Variants in SCN2A observed in about 807,000 individuals in gnomAD.
SCN2A encodes the protein sodium voltage-gated channel alpha subunit 2, also known as sodium channel protein type 2 subunit alpha.
SCN2A carries 20 observed loss-of-function variants against 188.7 expected under a neutral mutation model. The observed-to-expected ratio is 0.11, with a 90% confidence interval of 0.07 to 0.15. SCN2A has a LOEUF of 0.15. Ranked by LOEUF, SCN2A falls within the 10% of genes least tolerant of loss-of-function variation. The pLI, the probability that SCN2A is intolerant of heterozygous loss-of-function variation, is 1.00. For synonymous variants in SCN2A, 804 were observed against 833.1 expected (o/e 0.97, Z 0.60); for missense variants, 1,278 against 2,445.0 (o/e 0.52, Z 10.07).
chr2:165,302,510 C>A (rs1696872105), intron 3 of SCN2A, among the ~76,000 whole-genome samples: 1 of 152,164 alleles, frequency 6.6e-6, no homozygotes, highest in African/African-American at 2.4e-5. Flanking sequence ...AGCATAATGT[C>A]TTTTCCTTCC....
At position 165,389,991 on chromosome 2, in the gene SCN2A, A is replaced by C. The variant is rs1702066754; in HGVS notation, c.*167A>C. 4.5e-6 allele frequency: 5 copies of C among 1,114,334 alleles called. No individual in the cohort carries two copies. The South Asian group carries it at 8.3e-5, about 18-fold the overall frequency. The allele number at this position is 1,114,334 out of a possible 1,614,324, so 69.0% of individuals were successfully genotyped here. A position where few individuals can be genotyped will look rare whatever the true frequency, so the allele number is the denominator to read the frequency against. On this transcript the variant is annotated 3_prime_UTR_variant, in exon 27 of 27. Coordinates refer to ENST00000375437, the MANE Select transcript of SCN2A (RefSeq NM_001040142.2). This position sits in a 1 kb window ranked among gnomAD's most constrained non-coding sequence, Gnocchi z 4.2. ...ACAAGACAGAGACCTCTGGTCAGCA[A>C]ACTGGAACTCAGTAAACTGGAGAAA...
chr2:165,255,916 C>T (rs1694296238), intron 1 of SCN2A, among the ~76,000 whole-genome samples: 1 of 151,246 alleles, frequency 6.6e-6, no homozygotes, highest in Non-Finnish European at 1.5e-5. Flanking sequence ...ACCATTTTCC[C>T]CTACCAGAAA....
In SCN2A at chr2:165,392,242, G is replaced by A. The variant is rs1702145992; in HGVS notation, c.*2418G>A. The A allele has an allele frequency of 6.6e-6, 1 of 152,422 alleles. No homozygotes were observed. Among genetic ancestry groups the A allele is most frequent in the Non-Finnish European group, 1.5e-5 (1 of 67,968 alleles). The allele number at this position is 152,422 out of a possible 1,614,324, so 9.4% of individuals were successfully genotyped here. A position where few individuals can be genotyped will look rare whatever the true frequency, so the allele number is the denominator to read the frequency against. On this transcript the variant is annotated 3_prime_UTR_variant, in exon 27 of 27. Transcript: ENST00000375437. ...TAACTACTTTAATATTGGCCAAAAA[G>A]CTAGATATGGCATCAGGTAGACTAG...
intron 1 of SCN2A, 65 bp from the exon 2 acceptor site, chr2:165,295,708 T>C (rs2106148738): frequency 6.9e-7 from 1 of 1,452,554 alleles, no homozygotes; most frequent in East Asian, 2.3e-5. Context: ...CTCAGTGTCA[T>C]GTAACTGACA....
chr2:165,345,038 C>A, intron 16 of SCN2A, 127 bp downstream of exon 16: 1 of 1,159,260 alleles, frequency 8.6e-7, no homozygotes, highest in Non-Finnish European at 1.3e-6. Context: ...TTACTCATGA[C>A]TGTAAGAGCC....
At position 165,373,064 on chromosome 2, in the gene SCN2A, T is replaced by G. The variant is rs868257269; in HGVS notation, c.3850-161T>G. 76 of 710,772 alleles carry G rather than the reference T, an allele frequency of 1.1e-4. 1 individual carries two copies. In the Middle Eastern group the frequency reaches 5.3e-3, roughly 50 times the overall value. 44.0% of individuals were successfully genotyped at this position (710,772 alleles called of 1,614,324 possible). ...AAATTCTTAGGCCTTTCCCCAAACTTACTAAGTCAGACTCTGCTATTGGTG... is the reference window on the plus strand; with the variant it reads ...AAATTCTTAGGCCTTTCCCCAAACTGACTAAGTCAGACTCTGCTATTGGTG... On this transcript the variant is annotated intron_variant, in intron 20 of 26. Coordinates refer to ENST00000375437, the MANE Select transcript of SCN2A (RefSeq NM_001040142.2).
chr2:165,300,706 C>T (rs1437259997), intron 3 of SCN2A, among the ~76,000 whole-genome samples: 6 of 152,018 alleles, frequency 3.9e-5, no homozygotes, highest in East Asian at 1.9e-4. Context: ...AGGCAGGAAG[C>T]GAGAGGATGA....
chr2:165,283,980 G>T (rs1030033601), intron 1 of SCN2A, among the ~76,000 whole-genome samples: 2 of 152,046 alleles, frequency 1.3e-5, no homozygotes, highest in Non-Finnish European at 2.9e-5. Flanking sequence ...AATTTAGGTA[G>T]TGTTGACATT....
chr2:165,335,667 C>A (rs1225405547), intron 14 of SCN2A, among the ~76,000 whole-genome samples: 2 of 151,660 alleles, frequency 1.3e-5, no homozygotes, highest in Non-Finnish European at 3.0e-5. Flanking sequence ...AGAAGTAAAT[C>A]TTCATGACCT....
intron 1 of SCN2A, among the ~76,000 whole-genome samples, chr2:165,250,745 G>C (rs533935548): frequency 6.6e-6 from 1 of 152,138 alleles, no homozygotes; most frequent in South Asian, 2.1e-4. Context: ...CTATAGGAAA[G>C]GATAAAATGT....
At chr2:165,280,802 C>T (rs1350210411) in intron 1 of SCN2A, among the ~76,000 whole-genome samples, 2 of 152,176 alleles carry the variant, frequency 1.3e-5, no homozygotes, top group East Asian at 3.8e-4. Flanking sequence ...GGAGTACCTC[C>T]TTAACTAATC....
intron 11 of SCN2A, among the ~76,000 whole-genome samples, chr2:165,317,720 A>C (rs1042346112): frequency 6.6e-6 from 1 of 152,100 alleles, no homozygotes; most frequent in African/African-American, 2.4e-5. Flanking sequence ...ACATACCTCC[A>C]TTTCCCAGCT....
chr2:165,262,915 AT>A (rs1694670299), intron 1 of SCN2A, among the ~76,000 whole-genome samples: 2 of 152,166 alleles, frequency 1.3e-5, no homozygotes, highest in Admixed American at 1.3e-4. Context: ...AATATCTATT[AT>A]TTTTTGATTG....
At chr2:165,263,724 A>G (rs1694710827) in intron 1 of SCN2A, among the ~76,000 whole-genome samples, 1 of 151,944 alleles carries the variant, frequency 6.6e-6, no homozygotes, top group Non-Finnish European at 1.5e-5. Flanking sequence ...ATGAATTTTA[A>G]GATTATTTTT....
chr2:165,312,318 G>A (rs1471666669), intron 8 of SCN2A, among the ~76,000 whole-genome samples: 1 of 152,056 alleles, frequency 6.6e-6, no homozygotes, highest in Admixed American at 6.6e-5. Context: ...TTCCAAATTA[G>A]TTCAATGTAA....
chr2:165,275,410 T>A (rs1695290763), intron 1 of SCN2A, among the ~76,000 whole-genome samples: 1 of 152,182 alleles, frequency 6.6e-6, no homozygotes, highest in Non-Finnish European at 1.5e-5. Context: ...TTGTACCACA[T>A]GTCAGAATCT....
At position 165,392,304 on chromosome 2, in the gene SCN2A, A is replaced by G. The variant is rs184839439; in HGVS notation, c.*2480A>G. 1.1e-3 allele frequency: 169 copies of G among 152,448 alleles called. No homozygotes were observed. The highest frequency in any genetic ancestry group is 3.9e-3 in the African/African-American group (164 of 41,560). The allele number at this position is 152,448 out of a possible 1,614,324, so 9.4% of individuals were successfully genotyped here. The stretch of plus-strand genomic sequence containing the variant: ...AAAAATTAATAAAAAATTGACTAAC[A>G]TTTTAAGTTGTGCATCTTTTCTCCT... On this transcript the variant is annotated 3_prime_UTR_variant, in exon 27 of 27. Transcript: ENST00000375437.
intron 1 of SCN2A, among the ~76,000 whole-genome samples, chr2:165,291,479 TTTCTTTCTTTCTTTTC>T (rs1181628283): frequency 0.05 from 2,717 of 54,622 alleles, 146 homozygotes; most frequent in African/African-American, 0.1. Context: ...TCTTTCTTTC[TTTCTTTCTTTCTTTTC>T]TTTCTTTCTT....
In SCN2A at chr2:165,390,800, A is replaced by C. The variant is rs1333016188; in HGVS notation, c.*976A>C. 6.6e-6 allele frequency: 1 copy of C among 152,526 alleles called. No homozygotes were observed. Among genetic ancestry groups the C allele is most frequent in the African/African-American group, 2.4e-5 (1 of 41,416 alleles). 9.4% of individuals were successfully genotyped at this position (152,526 alleles called of 1,614,324 possible). On this transcript the variant is annotated 3_prime_UTR_variant, in exon 27 of 27. Transcript: ENST00000375437. ...CTAAGAAGCCTGAATTGACCAAAAA[A>C]CATCCCCACCACCACTTTATAAAGT...
Sources: allele counts gnomAD v4.1 joint callset (sites outside exome capture counted in the v4.1 genomes callset), GRCh38; gene constraint gnomAD v4.1.1; non-coding constraint Gnocchi (gnomAD v3.1); transcripts MANE v1.5; gene names NCBI Gene and HGNC (gene_info 2026-07-23, HGNC 2026-07-21).